Variants in GRIK2 observed in about 807,000 individuals in gnomAD.
The protein encoded by GRIK2 is glutamate ionotropic receptor kainate type subunit 2.
GRIK2 carries 32 observed loss-of-function variants against 100.3 expected under a neutral mutation model. That is an observed-to-expected ratio of 0.32 (90% CI 0.24 to 0.43). The LOEUF is 0.43. Ranked by LOEUF, GRIK2 falls within the 20% of genes least tolerant of loss-of-function variation. GRIK2 has a pLI of 1.00. For missense variants in GRIK2, 843 were observed against 1,114.9 expected (o/e 0.76, Z 3.47); for synonymous variants, 417 against 389.4 (o/e 1.07, Z -0.83).
intron 11 of GRIK2, among the ~76,000 whole-genome samples, chr6:101,873,972 G>T (rs1183967880): frequency 5.3e-5 from 8 of 152,100 alleles, no homozygotes; most frequent in Non-Finnish European, 8.8e-5. Flanking sequence ...ATTTGTTTGA[G>T]TTCATTGTAG....
At chr6:101,888,350 T>C (rs1786802799) in intron 11 of GRIK2, among the ~76,000 whole-genome samples, 1 of 152,204 alleles carries the variant, frequency 6.6e-6, no homozygotes. Flanking sequence ...AGTAGGATTA[T>C]GTAAGTTTTA....
chr6:101,595,205 A>C (rs1402348700), intron 2 of GRIK2, among the ~76,000 whole-genome samples: 1 of 151,712 alleles, frequency 6.6e-6, no homozygotes, highest in African/African-American at 2.4e-5. Flanking sequence ...GGAGAAAGGG[A>C]GGAAAACAGG....
intron 7 of GRIK2, among the ~76,000 whole-genome samples, chr6:101,797,940 G>T (rs957779567): frequency 2.0e-5 from 3 of 150,136 alleles, no homozygotes; most frequent in African/African-American, 7.3e-5. Context: ...TTTCCATCTA[G>T]TTGAGTATTT....
At chr6:101,505,943 C>T (rs572007833) in intron 2 of GRIK2, among the ~76,000 whole-genome samples, 4 of 151,898 alleles carry the variant, frequency 2.6e-5, no homozygotes, top group Admixed American at 6.6e-5. Context: ...AAATTTGGAT[C>T]GAATATATTG....
Position 101,679,581 on chromosome 6 carries a change from G to A in GRIK2, c.723+2777G>A, listed in dbSNP as rs188122904. On this transcript the variant is annotated intron_variant, in intron 5 of 16. Coordinates refer to ENST00000369134, the MANE Select transcript of GRIK2 (RefSeq NM_021956.5). ...TCACTCAAAAGTAGCAGTAAGACAT[G>A]CTATAATTAAAACCAGATCCAGAGC... Among the ~76,000 whole-genome samples the A allele has an allele frequency of 1.4e-3, 209 of 152,074 alleles. 1 individual carries two copies. Among genetic ancestry groups the A allele is most frequent in the African/African-American group, 4.9e-3 (204 of 41,468 alleles).
At chr6:101,681,273 G>T (rs949927947) in intron 5 of GRIK2, among the ~76,000 whole-genome samples, 1 of 152,038 alleles carries the variant, frequency 6.6e-6, no homozygotes, top group African/African-American at 2.4e-5. Context: ...TTGTTTGTTT[G>T]TTTTGTAATG....
intron 4 of GRIK2, among the ~76,000 whole-genome samples, chr6:101,648,581 T>C (rs1562283711): frequency 6.6e-6 from 1 of 152,216 alleles, no homozygotes; most frequent in South Asian, 2.1e-4. Flanking sequence ...TGAGCCAACA[T>C]ACCATGCACC....
At chr6:101,764,244 G>C (rs1039842748) in intron 7 of GRIK2, among the ~76,000 whole-genome samples, 1 of 151,890 alleles carries the variant, frequency 6.6e-6, no homozygotes, top group African/African-American at 2.4e-5. Flanking sequence ...TATAACCCAG[G>C]TCCATACCTC....
At chr6:101,888,425 AAT>A (rs1786810659) in intron 11 of GRIK2, among the ~76,000 whole-genome samples, 1 of 152,204 alleles carries the variant, frequency 6.6e-6, no homozygotes, top group South Asian at 2.1e-4. Context: ...CTACCTAAAG[AAT>A]ATTAGCAATT....
chr6:101,886,725 C>T (rs1786646127), intron 11 of GRIK2, among the ~76,000 whole-genome samples: 1 of 151,626 alleles, frequency 6.6e-6, no homozygotes, highest in African/African-American at 2.4e-5. Context: ...TCCTATCCAA[C>T]TGAAGTTTTA....
intron 7 of GRIK2, among the ~76,000 whole-genome samples, chr6:101,708,185 A>G (rs548519426): frequency 8.7e-4 from 132 of 151,910 alleles, no homozygotes; most frequent in South Asian, 4.4e-3. Flanking sequence ...CGTATTTAAC[A>G]CTATTAAATT....
At chr6:101,893,271 TAAAAG>T (rs1787224349) in intron 12 of GRIK2, among the ~76,000 whole-genome samples, 1 of 151,538 alleles carries the variant, frequency 6.6e-6, no homozygotes, top group Non-Finnish European at 1.5e-5. Flanking sequence ...CAATTATAGA[TAAAAG>T]AAAGATCATG....
intron 2 of GRIK2, among the ~76,000 whole-genome samples, chr6:101,499,807 T>TG (rs1183434616): frequency 6.6e-6 from 1 of 152,116 alleles, no homozygotes. Flanking sequence ...TCCATTAGGG[T>TG]GGGGACCATG....
intron 2 of GRIK2, among the ~76,000 whole-genome samples, chr6:101,592,588 C>CACATATATATATATATATAT (rs1778709237): frequency 9.8e-6 from 1 of 101,940 alleles, no homozygotes; most frequent in African/African-American, 3.9e-5. Flanking sequence ...ACTAATATCA[C>CACATATATATATATATATAT]ATATATATAT....
chr6:102,065,881 C>T, intron 16 of GRIK2: 3 of 1,447,044 alleles, frequency 2.1e-6, no homozygotes, highest in Non-Finnish European at 2.8e-6. Context: ...GTCATCATCA[C>T]CATCTTCATC....
intron 14 of GRIK2, among the ~76,000 whole-genome samples, chr6:101,930,553 T>G (rs1790203520): frequency 6.6e-6 from 1 of 152,070 alleles, no homozygotes; most frequent in Non-Finnish European, 1.5e-5. Flanking sequence ...TTATTTCTGG[T>G]TCATAAACAT....
At chr6:101,396,242 T>TCCCC (rs112605796) in intron 1 of GRIK2, among the ~76,000 whole-genome samples, 2 of 132,282 alleles carry the variant, frequency 1.5e-5, no homozygotes, top group Non-Finnish European at 3.3e-5. Context: ...AATTTAGCAT[T>TCCCC]CCCCCCCCCC....
chr6:102,066,066 C>G (rs1772002894), intron 16 of GRIK2: 1 of 405,462 alleles, frequency 2.5e-6, no homozygotes, highest in East Asian at 3.7e-5. Context: ...GGCAATGACT[C>G]TGTAGTTAAT....
At chr6:101,617,328 T>G (rs1275311023) in intron 2 of GRIK2, among the ~76,000 whole-genome samples, 1 of 151,828 alleles carries the variant, frequency 6.6e-6, no homozygotes, top group African/African-American at 2.4e-5. Flanking sequence ...TTTTTTGAAC[T>G]TTTTGAACAA....
Sources: allele counts gnomAD v4.1 joint callset (sites outside exome capture counted in the v4.1 genomes callset), GRCh38; gene constraint gnomAD v4.1.1; transcripts MANE v1.5; gene names NCBI Gene and HGNC (gene_info 2026-07-23, HGNC 2026-07-21).